DYRK4: variants seen among roughly 807,000 people sequenced by gnomAD.
The protein encoded by DYRK4 is dual specificity tyrosine-phosphorylation-regulated kinase 4.
In DYRK4, 64 loss-of-function variants were observed where a neutral mutation model predicts 68.3. The observed-to-expected ratio is 0.94, with a 90% CI of 0.77 to 1.15. The LOEUF (loss-of-function observed/expected upper bound fraction) is 1.15. DYRK4 is among the 50% of genes most tolerant of loss of function. The pLI is 0.00. For synonymous variants in DYRK4, 274 were observed against 289.9 expected (o/e 0.95, Z 0.56); for missense variants, 740 against 764.7 (o/e 0.97, Z 0.38).
intron 2 of DYRK4, among the ~76,000 whole-genome samples, chr12:4,577,983 A>G (rs1944805747): frequency 6.6e-6 from 1 of 152,162 alleles, no homozygotes; most frequent in African/African-American, 2.4e-5. Flanking sequence ...AATGTCTTTT[A>G]TCCTGCAGCT....
In DYRK4 at chr12:4,582,438, CAAATA is replaced by C. The variant is rs1415452034; in HGVS notation, c.133-6494_133-6490del. Among the ~76,000 whole-genome samples the C allele has an allele frequency of 1.6e-3, 237 of 151,840 alleles. 1 individual carries two copies. The highest frequency in any genetic ancestry group is 5.4e-3 in the African/African-American group (224 of 41,374). ...CAGCAATAAGAGCGAAACTCCATCT[CAAATA>C]AAATGAAATGAAATGAGATGAAATG... is the stretch of plus-strand genomic sequence containing the variant. On this transcript the variant is annotated intron_variant, in intron 2 of 14. Transcript: ENST00000543431.
chr12:4,609,875 A>T, intron 12 of DYRK4: 1 of 214,954 alleles, frequency 4.7e-6, no homozygotes, highest in Non-Finnish European at 9.1e-6. Context: ...AAGCCATTTA[A>T]ATTATTTCTT....
At chr12:4,593,703 C>T (rs956481830) in intron 6 of DYRK4, among the ~76,000 whole-genome samples, 2 of 152,196 alleles carry the variant, frequency 1.3e-5, no homozygotes, top group Admixed American at 6.5e-5. Context: ...TTGGCTTCCC[C>T]AGGACAGTGC....
Position 4,591,076 on chromosome 12 carries a change from G to A in DYRK4, c.325-84G>A, listed in dbSNP as rs73257448. ...GTAGGTAAAGAGCCTGGCTGAAGGT[G>A]GGTGTCTTTGGTTAAATAAATGGTT... On this transcript the variant is annotated intron_variant, in intron 4 of 14. Coordinates refer to ENST00000543431, the MANE Select transcript of DYRK4 (RefSeq NM_001394779.1). The surrounding 1 kb of genome is among the most constrained non-coding windows in gnomAD (Gnocchi z 4.1). The A allele has an allele frequency of 7.1e-3, 10,696 of 1,501,300 alleles. 662 individuals carry two copies. The African/African-American group carries it at 0.13, about 19-fold the overall frequency. 93.0% of individuals were successfully genotyped at this position (1,501,300 alleles called of 1,614,324 possible).
intron 4 of DYRK4, chr12:4,590,834 C>A (rs1382122765): frequency 7.1e-6 from 3 of 424,008 alleles, no homozygotes; most frequent in African/African-American, 2.0e-5. Flanking sequence ...TGCTCCTGGG[C>A]AAGTCACTTT....
In DYRK4 at chr12:4,593,021, G is replaced by GGCCCT; in HGVS notation, c.483_484insGCCCT (p.Asn162AlafsTer49). 12 of 1,613,976 alleles carry GGCCCT rather than the reference G, an allele frequency of 7.4e-6. No homozygotes were observed. The highest frequency in any genetic ancestry group is 1.0e-5 in the Non-Finnish European group (12 of 1,179,924). Reference sequence around the variant, plus strand: ...ACACAGAGGCCCTAAAGCTTTTTAAGAACCAGCTGTCTCCATATGAACAAA... The same window carrying GGCCCT: ...ACACAGAGGCCCTAAAGCTTTTTAAGGCCCTAACCAGCTGTCTCCATATGAACAAA... On this transcript the variant is annotated frameshift_variant, in exon 6 of 15. Coordinates refer to ENST00000543431, the MANE Select transcript of DYRK4 (RefSeq NM_001394779.1). LOFTEE classifies it high-confidence loss of function.
intron 10 of DYRK4, among the ~76,000 whole-genome samples, chr12:4,601,018 G>T (rs1945074776): frequency 1.3e-5 from 2 of 151,952 alleles, no homozygotes; most frequent in Admixed American, 1.3e-4. Flanking sequence ...TAGGAGCTCT[G>T]TGTCAGAAGC....
intron 7 of DYRK4, 103 bp from the exon 8 acceptor site, chr12:4,596,486 G>C (rs2137376328): frequency 1.3e-6 from 2 of 1,521,516 alleles, no homozygotes; most frequent in Admixed American, 4.4e-5. Context: ...CCACTAGACA[G>C]TCTTGTTGGG....
rs1264041901 is a variant in DYRK4, at chr12:4,599,104, T to C, written c.982T>C (p.Ser328Pro). ...SLSIVRRFTL[S>P]VLKCLQMLSV... ...GTCCATAGTTCGGCGCTTCACTCTCTCTGTTTTGAAGTGCTTGCAGATGCT... is the reference window on the plus strand; with the variant it reads ...GTCCATAGTTCGGCGCTTCACTCTCCCTGTTTTGAAGTGCTTGCAGATGCT... Residue 328 changes from serine (S) to proline (P), a missense_variant, in exon 9 of 15, where the codon TCT (serine) becomes CCT (proline). Ser to Pro is a moderately conservative substitution (Grantham distance 74, BLOSUM62 -1). This residue lies in a region of DYRK4 where 614 missense variants were observed against 603.7 expected (regional missense o/e 1.02). Transcript: ENST00000543431. The C allele has an allele frequency of 1.2e-6, 2 of 1,613,964 alleles. No individual in the cohort carries two copies. Among genetic ancestry groups the C allele is most frequent in the East Asian group, 2.2e-5 (1 of 44,886 alleles).
chr12:4,591,318 G>C lies in DYRK4; in HGVS notation c.463+20G>C. The C allele has an allele frequency of 1.2e-6, 2 of 1,613,030 alleles. No individual in the cohort carries two copies. On this transcript the variant is annotated intron_variant, in intron 5 of 14. Transcript: ENST00000543431. The surrounding 1 kb of genome is among the most constrained non-coding windows in gnomAD (Gnocchi z 4.1). ...CGGCAGGTATGCCTTTGGGGCAGTA[G>C]CAGGGTGGGGAGGTGCTTATGGAAG...
intron 2 of DYRK4, among the ~76,000 whole-genome samples, chr12:4,587,486 C>T (rs1944909461): frequency 6.6e-6 from 1 of 152,190 alleles, no homozygotes; most frequent in South Asian, 2.1e-4. Context: ...TCCAGTCTCC[C>T]TACCGCATCC....
intron 10 of DYRK4, chr12:4,602,402 A>G (rs1349159718): frequency 3.2e-6 from 3 of 933,434 alleles, no homozygotes; most frequent in Non-Finnish European, 5.3e-6. Flanking sequence ...AAGGGGAAAG[A>G]CAGTATGTTG....
At chr12:4,569,569 A>G (rs1944710875) in intron 2 of DYRK4, among the ~76,000 whole-genome samples, 1 of 152,200 alleles carries the variant, frequency 6.6e-6, no homozygotes, top group Non-Finnish European at 1.5e-5. Flanking sequence ...GCCCAGGGTC[A>G]TAATGCCAGT....
intron 2 of DYRK4, among the ~76,000 whole-genome samples, chr12:4,575,322 T>TGTGTGTGTGTGTGTGTGTGTGTGTG (rs71061193): frequency 1.1e-4 from 17 of 151,724 alleles, no homozygotes; most frequent in South Asian, 2.1e-4. Context: ...TGTGTGTGTG[T>TGTGTGTGTGTGTGTGTGTGTGTGTG]TTTCGAAACG....
rs866133271 is a variant in DYRK4 at position 4,582,729 on chromosome 12, G to A, written c.133-6208G>A. On this transcript the variant is annotated intron_variant, in intron 2 of 14. Transcript: ENST00000543431. ...GGGGTGGGTGATGGGAGAACATTCCGAGCAGAAACAGAGCAGGAGTGAAAG... is the reference window on the plus strand; with the variant it reads ...GGGGTGGGTGATGGGAGAACATTCCAAGCAGAAACAGAGCAGGAGTGAAAG... 1.1e-4 allele frequency among the ~76,000 whole-genome samples: 16 copies of A among 152,200 alleles called. No homozygotes were observed. The Middle Eastern group carries it at 0.017, about 162-fold the overall frequency.
chr12:4,575,345 A>G (rs755866688), intron 2 of DYRK4, among the ~76,000 whole-genome samples: 31 of 79,966 alleles, frequency 3.9e-4, no homozygotes, highest in Non-Finnish European at 7.7e-4. Flanking sequence ...GTCTCGCTCT[A>G]TTGCCCAGGC....
chr12:4,606,293 G>GCTAGCTAT (rs1555124272), intron 11 of DYRK4, among the ~76,000 whole-genome samples: 9 of 151,148 alleles, frequency 6.0e-5, no homozygotes, highest in East Asian at 2.0e-4. Context: ...TGGCTGGCTG[G>GCTAGCTAT]CTATCTATCT....
chr12:4,605,133 G>A, intron 11 of DYRK4, 47 bp downstream of exon 11: 1 of 1,572,392 alleles, frequency 6.4e-7, no homozygotes, highest in Non-Finnish European at 8.7e-7. Context: ...CGTGGGCTTG[G>A]CCCTCAGACA....
chr12:4,598,344 C>T (rs532983966), intron 8 of DYRK4, among the ~76,000 whole-genome samples: 1 of 152,224 alleles, frequency 6.6e-6, no homozygotes, highest in Non-Finnish European at 1.5e-5. Flanking sequence ...CTTCTCTCCC[C>T]ATCTCACAGC....
Sources: allele counts gnomAD v4.1 joint callset (sites outside exome capture counted in the v4.1 genomes callset), GRCh38; gene constraint gnomAD v4.1.1; regional missense constraint gnomAD v4.1.1; non-coding constraint Gnocchi (gnomAD v3.1); transcripts MANE v1.5; gene names NCBI Gene and HGNC (gene_info 2026-07-23, HGNC 2026-07-21).